The following PPP3CA variants were observed in gnomAD, a reference collection of about 807,000 sequenced individuals.
PPP3CA encodes the protein protein phosphatase 3 catalytic subunit alpha.
PPP3CA carries 14 observed loss-of-function variants against 66.5 expected under a neutral mutation model. That is an observed-to-expected ratio of 0.21 (90% CI 0.14 to 0.33). The LOEUF is 0.33. PPP3CA is among the 10% of genes least tolerant of loss of function. The probability of loss-of-function intolerance (pLI) is 1.00; values close to 1 mark genes in which losing one functional copy is unlikely to be tolerated. For missense variants in PPP3CA, 317 were observed against 639.5 expected, an observed-to-expected ratio of 0.50 and a Z score of 5.44; for synonymous variants, 232 against 226.2, an observed-to-expected ratio of 1.03 and a Z score of -0.23.
At chr4:101,040,364 G>GA (rs1234130221) in intron 11 of PPP3CA, 118 bp downstream of exon 11, 2 of 722,908 alleles carry the variant, frequency 2.8e-6, no homozygotes, top group East Asian at 3.3e-5. Context: ...AATCTAAAAG[G>GA]AAAAAAAGAC....
At chr4:101,238,051 T>C (rs1340100183) in intron 1 of PPP3CA, among the ~76,000 whole-genome samples, 3 of 152,006 alleles carry the variant, frequency 2.0e-5, no homozygotes, top group African/African-American at 7.2e-5. Flanking sequence ...TGCTCTCCAA[T>C]AAACCTACTG....
intron 6 of PPP3CA, 99 bp from the exon 7 acceptor site, chr4:101,083,362 T>C (rs1729524142): frequency 1.9e-6 from 2 of 1,029,050 alleles, no homozygotes; most frequent in Non-Finnish European, 2.9e-6. Context: ...GGATCAAAGA[T>C]AATCAAACAT....
At chr4:101,151,796 A>G (rs1267278536) in intron 2 of PPP3CA, among the ~76,000 whole-genome samples, 3 of 150,660 alleles carry the variant, frequency 2.0e-5, no homozygotes, top group Non-Finnish European at 4.4e-5. Context: ...AGCTGGGACT[A>G]CAGGAGCATG....
intron 8 of PPP3CA, among the ~76,000 whole-genome samples, chr4:101,078,240 T>C (rs1448577430): frequency 1.6e-4 from 24 of 152,226 alleles, no homozygotes; most frequent in Non-Finnish European, 1.5e-5. Context: ...GACTGGGATA[T>C]ACAATATGAC....
At chr4:101,331,814 A>G (rs1038155874) in intron 1 of PPP3CA, among the ~76,000 whole-genome samples, 3 of 152,192 alleles carry the variant, frequency 2.0e-5, no homozygotes, top group Non-Finnish European at 2.9e-5. Context: ...AGTTCAGTAC[A>G]ATGTAACATA....
At chr4:101,173,101 G>C (rs1249844909) in intron 2 of PPP3CA, among the ~76,000 whole-genome samples, 1 of 152,046 alleles carries the variant, frequency 6.6e-6, no homozygotes, top group Non-Finnish European at 1.5e-5. Context: ...AGAGCCATTG[G>C]GCCAGTGTAA....
intron 10 of PPP3CA, among the ~76,000 whole-genome samples, chr4:101,045,985 A>C (rs2110214396): frequency 6.6e-6 from 1 of 152,376 alleles, no homozygotes; most frequent in Non-Finnish European, 1.5e-5. Context: ...CTATACTTGG[A>C]AGAAATTTGG....
chr4:101,210,588 G>T (rs1725271037), intron 1 of PPP3CA, among the ~76,000 whole-genome samples: 1 of 151,818 alleles, frequency 6.6e-6, no homozygotes, highest in South Asian at 2.1e-4. Flanking sequence ...TACCTCCTTG[G>T]CCACACATCC....
In PPP3CA at chr4:101,079,982, G is replaced by A. The variant is rs1002169594; in HGVS notation, c.955+550C>T. Among the ~76,000 whole-genome samples the A allele has an allele frequency of 4.6e-5, 7 of 152,278 alleles. No homozygotes were observed. The South Asian group carries it at 1.5e-3, about 32-fold the overall frequency. On this transcript the variant is annotated intron_variant, in intron 8 of 13. Coordinates refer to ENST00000394854, the MANE Select transcript of PPP3CA (RefSeq NM_000944.5). The stretch of plus-strand genomic sequence containing the variant: ...GCAATTAACCACAGGAACTCAGTCT[G>A]CATATTAAAGAAGGAGGAGGTAGAG...
At chr4:101,217,455 A>C (rs1488058095) in intron 1 of PPP3CA, among the ~76,000 whole-genome samples, 1 of 152,116 alleles carries the variant, frequency 6.6e-6, no homozygotes, top group East Asian at 1.9e-4. Flanking sequence ...TAGACTATGA[A>C]ATCTAATTCT....
intron 1 of PPP3CA, among the ~76,000 whole-genome samples, chr4:101,278,149 T>TAAAAAAAAAAAAAAAAAA (rs1200528599): frequency 1.8e-4 from 22 of 119,532 alleles, no homozygotes; most frequent in African/African-American, 8.1e-4. Context: ...ATAAAAAAAT[T>TAAAAAAAAAAAAAAAAAA]AAAAAGTTAT....
At chr4:101,305,696 C>G (rs1464354479) in intron 1 of PPP3CA, among the ~76,000 whole-genome samples, 1 of 152,112 alleles carries the variant, frequency 6.6e-6, no homozygotes, top group Non-Finnish European at 1.5e-5. Context: ...TCAAAACTTT[C>G]TATTCAACAG....
At chr4:101,284,864 T>C (rs1009350680) in intron 1 of PPP3CA, among the ~76,000 whole-genome samples, 3 of 152,334 alleles carry the variant, frequency 2.0e-5, no homozygotes, top group Admixed American at 6.5e-5. Context: ...TCTGTACAGA[T>C]TGGAATCTGG....
chr4:101,180,530 G>A (rs1465331048), intron 2 of PPP3CA, among the ~76,000 whole-genome samples: 2 of 152,042 alleles, frequency 1.3e-5, no homozygotes, highest in Non-Finnish European at 2.9e-5. Flanking sequence ...ATTTATAATT[G>A]TATGCCTTAA....
intron 7 of PPP3CA, among the ~76,000 whole-genome samples, chr4:101,081,412 G>A (rs1729433727): frequency 6.6e-6 from 1 of 152,032 alleles, no homozygotes; most frequent in Admixed American, 6.5e-5. Flanking sequence ...AAGAACTTTG[G>A]AAATAAACCA....
chr4:101,211,846 C>T (rs1459380024), intron 1 of PPP3CA, among the ~76,000 whole-genome samples: 1 of 152,160 alleles, frequency 6.6e-6, no homozygotes, highest in Non-Finnish European at 1.5e-5. Flanking sequence ...GCTCTACATG[C>T]AACAAACTGT....
At chr4:101,322,487 T>C (rs953732589) in intron 1 of PPP3CA, among the ~76,000 whole-genome samples, 2 of 149,600 alleles carry the variant, frequency 1.3e-5, no homozygotes, top group African/African-American at 4.9e-5. Flanking sequence ...CTCAGCTCAC[T>C]ACAACCTCTG....
Position 101,202,702 on chromosome 4 carries a change from C to T in PPP3CA, c.59-6586G>A, listed in dbSNP as rs113021649. Among the ~76,000 whole-genome samples, 539 of 152,254 alleles carry T rather than the reference C, an allele frequency of 3.5e-3. 5 individuals carry two copies. Among genetic ancestry groups the T allele is most frequent in the African/African-American group, 0.012 (516 of 41,534 alleles). ...TCCCTTCAAATAAAAATACATATGG[C>T]CATCTCAAGTATGGTTAAATATTAG... is the stretch of plus-strand genomic sequence containing the variant. On this transcript the variant is annotated intron_variant, in intron 1 of 13. Coordinates refer to ENST00000394854, the MANE Select transcript of PPP3CA (RefSeq NM_000944.5).
intron 1 of PPP3CA, among the ~76,000 whole-genome samples, chr4:101,259,670 C>T (rs1726953868): frequency 6.6e-6 from 1 of 152,110 alleles, no homozygotes; most frequent in African/African-American, 2.4e-5. Context: ...TCATTATGTT[C>T]AGGAAAATTT....
Sources: gnomAD v4.1 joint callset for allele counts (sites outside exome capture counted in the v4.1 genomes callset) on GRCh38, gnomAD v4.1.1 for gene constraint, MANE v1.5 for transcripts, NCBI Gene and HGNC (gene_info 2026-07-23, HGNC 2026-07-21) for gene names.